Variants in NHSL1 observed in about 807,000 individuals in gnomAD.
NHSL1 encodes the protein NHS-like protein 1.
NHSL1 carries 48 observed loss-of-function variants against 95.0 expected under a neutral mutation model. That is an observed-to-expected ratio of 0.51 (90% CI 0.40 to 0.64). The LOEUF (loss-of-function observed/expected upper bound fraction) is 0.64. Among genes scored for constraint, NHSL1 ranks in the 30% least tolerant of loss-of-function variants. The probability of loss-of-function intolerance (pLI) is 0.00; values close to 1 mark genes in which losing one functional copy is unlikely to be tolerated. For missense variants in NHSL1, 1,971 were observed against 2,077.7 expected (o/e 0.95, Z 1.00); for synonymous variants, 783 against 833.9 (o/e 0.94, Z 1.05).
At chr6:138,583,319 T>C (rs538530153) in intron 1 of NHSL1, among the ~76,000 whole-genome samples, 1 of 152,236 alleles carries the variant, frequency 6.6e-6, no homozygotes, top group African/African-American at 2.4e-5. Flanking sequence ...CCCAGCATCA[T>C]GGGGAAGGGA....
Position 138,670,893 on chromosome 6 carries a change from T to C in NHSL1, c.96+21583A>G, listed in dbSNP as rs1308976854. ...AGATAGGCCAAGCACAGTGGCTCAA[T>C]GCCTGTAATCCCAGCACCCTGGGAG... On this transcript the variant is annotated intron_variant, in intron 1 of 3. Transcript: ENST00000491526. 2.6e-5 allele frequency among the ~76,000 whole-genome samples: 4 copies of C among 151,824 alleles called. No individual in the cohort carries two copies. The South Asian group carries it at 8.3e-4, about 32-fold the overall frequency.
At chr6:138,553,224 G>T (rs1583401719) in intron 1 of NHSL1, among the ~76,000 whole-genome samples, 1 of 152,158 alleles carries the variant, frequency 6.6e-6, no homozygotes, top group African/African-American at 2.4e-5. Context: ...CCCTTGGTAA[G>T]CTCTGCGTCA....
At chr6:138,456,923 GC>G (rs1777650763) in intron 3 of NHSL1, among the ~76,000 whole-genome samples, 1 of 149,072 alleles carries the variant, frequency 6.7e-6, no homozygotes, top group Admixed American at 6.7e-5. Flanking sequence ...TTACTCTGCC[GC>G]CCAGGCTGGA....
Position 138,488,277 on chromosome 6 carries a change from C to CA in NHSL1, c.211+7941dup, listed in dbSNP as rs72245938. Among the ~76,000 whole-genome samples the CA allele has an allele frequency of 4.3e-3, 613 of 143,292 alleles. 2 individuals are homozygous for CA. The highest frequency in any genetic ancestry group is 0.013 in the African/African-American group (527 of 39,520). 94.0% of individuals were successfully genotyped at this position (143,292 alleles called of 152,430 possible). ...TGGGCACCAGAGCAAGACTCTGTCT[C>CA]AAAAAAAAAAAAATCAGAATACCTT... On this transcript the variant is annotated intron_variant, in intron 2 of 7. Coordinates refer to ENST00000343505, the MANE Select transcript of NHSL1 (RefSeq NM_001144060.2).
chr6:138,474,160 G>A (rs1387523045), intron 2 of NHSL1, among the ~76,000 whole-genome samples: 1 of 152,176 alleles, frequency 6.6e-6, no homozygotes, highest in African/African-American at 2.4e-5. Flanking sequence ...ATGGGTGGGG[G>A]CCGGTGCTGT....
At chr6:138,679,588 G>C (rs1364450640) in intron 1 of NHSL1, among the ~76,000 whole-genome samples, 2 of 152,076 alleles carry the variant, frequency 1.3e-5, no homozygotes, top group Non-Finnish European at 2.9e-5. Flanking sequence ...CAATTGAAAG[G>C]TTCACAAATA....
chr6:138,675,046 TA>T (rs11354812), intron 1 of NHSL1, among the ~76,000 whole-genome samples: 84,292 of 141,090 alleles, frequency 0.6, 26,239 homozygotes, highest in East Asian at 0.91. Flanking sequence ...ACCAGTCTCC[TA>T]AAAAAAAAAA....
intron 7 of NHSL1, among the ~76,000 whole-genome samples, chr6:138,429,042 T>C (rs1028275065): frequency 2.0e-5 from 3 of 152,246 alleles, no homozygotes; most frequent in Non-Finnish European, 2.9e-5. Flanking sequence ...AAATCATATT[T>C]ACTCTTAAAG....
At chr6:138,503,387 G>C (rs1199992267), upstream of NHSL1, among the ~76,000 whole-genome samples, 1 of 152,118 alleles carries the variant, frequency 6.6e-6, no homozygotes, top group African/African-American at 2.4e-5. Context: ...GTATAGAGCA[G>C]AAGTCAGCAA....
chr6:138,617,356 G>A (rs1230516304), intron 1 of NHSL1, among the ~76,000 whole-genome samples: 1 of 152,124 alleles, frequency 6.6e-6, no homozygotes, highest in Non-Finnish European at 1.5e-5. Context: ...GACCTCACAG[G>A]GAAGAGGACA....
chr6:138,690,823 G>C (rs780604636), intron 1 of NHSL1, among the ~76,000 whole-genome samples: 1 of 152,206 alleles, frequency 6.6e-6, no homozygotes, highest in Non-Finnish European at 1.5e-5. Flanking sequence ...AGTTAATATG[G>C]AGAATTTGGG....
intron 1 of NHSL1, among the ~76,000 whole-genome samples, chr6:138,606,715 T>TC (rs982847707): frequency 2.7e-5 from 4 of 149,408 alleles, no homozygotes; most frequent in African/African-American, 9.8e-5. Flanking sequence ...TTTTTTTTTT[T>TC]TTTTTGAGAC....
rs1302135756 is a variant in NHSL1, at chr6:138,652,453, A to AT, written c.96+40022_96+40023insA. 1.4e-4 allele frequency among the ~76,000 whole-genome samples: 21 copies of AT among 152,098 alleles called. No individual in the cohort carries two copies. In the South Asian group the frequency reaches 4.4e-3, roughly 32 times the overall value. On this transcript the variant is annotated intron_variant, in intron 1 of 3. Coordinates refer to the NHSL1 transcript ENST00000491526. ...GAAACTCTATCTCAAAAAAAAAAAA[A>AT]AAAAATTAAGGTATGGCTATATCAC...
chr6:138,557,569 G>C (rs997481359), intron 1 of NHSL1, among the ~76,000 whole-genome samples: 25 of 152,344 alleles, frequency 1.6e-4, no homozygotes, highest in African/African-American at 5.8e-4. Context: ...TCCATTTCAT[G>C]CCAAAGCAAA....
intron 1 of NHSL1, among the ~76,000 whole-genome samples, chr6:138,553,387 G>A (rs933990460): frequency 2.6e-5 from 4 of 152,124 alleles, no homozygotes; most frequent in African/African-American, 9.7e-5. Context: ...TCTCAAGCTT[G>A]CACCATGTCC....
chr6:138,511,073 C>T lies in NHSL1; in HGVS notation c.17-14702G>A, dbSNP rs182518451. On this transcript the variant is annotated intron_variant, in intron 1 of 4. Transcript: ENST00000342260. ...GAAAAAAATCAACCAGGAAGCGAAACGATAATGCTAATTCTAGGTAATGGC... is the reference window on the plus strand; with the variant it reads ...GAAAAAAATCAACCAGGAAGCGAAATGATAATGCTAATTCTAGGTAATGGC... Among the ~76,000 whole-genome samples, 16 of 152,200 alleles carry T rather than the reference C, an allele frequency of 1.1e-4. No individual in the cohort carries two copies. In the East Asian group the frequency reaches 3.1e-3, roughly 29 times the overall value.
intron 1 of NHSL1, among the ~76,000 whole-genome samples, chr6:138,528,137 A>C (rs1272699185): frequency 6.6e-6 from 1 of 152,182 alleles, no homozygotes; most frequent in Non-Finnish European, 1.5e-5. Flanking sequence ...CATAATTATA[A>C]AGCTGTATAA....
chr6:138,581,549 G>A (rs557217366), intron 1 of NHSL1, among the ~76,000 whole-genome samples: 64 of 151,888 alleles, frequency 4.2e-4, no homozygotes, highest in African/African-American at 1.5e-3. Context: ...AAAATTAGCC[G>A]GGCATGGTCG....
intron 2 of NHSL1, among the ~76,000 whole-genome samples, chr6:138,483,820 C>T (rs979383283): frequency 5.3e-5 from 8 of 152,120 alleles, no homozygotes; most frequent in Non-Finnish European, 7.4e-5. Flanking sequence ...GGCTGGTGCT[C>T]GGTGAGTTCC....
Sources: allele counts gnomAD v4.1 joint callset (sites outside exome capture counted in the v4.1 genomes callset), GRCh38; gene constraint gnomAD v4.1.1; transcripts MANE v1.5; gene names NCBI Gene and HGNC (gene_info 2026-07-23, HGNC 2026-07-21).